The following PTPRD variants were observed in gnomAD, a reference collection of about 807,000 sequenced individuals.
PTPRD encodes the protein protein tyrosine phosphatase receptor type D.
PTPRD carries 34 observed loss-of-function variants against 214.5 expected under a neutral mutation model. The ratio of observed to expected loss-of-function variants is 0.16; its 90% CI spans 0.12 to 0.21. The LOEUF (loss-of-function observed/expected upper bound fraction) is 0.21, where lower values mean the gene tolerates loss of function less well. Among genes scored for constraint, PTPRD ranks in the 10% least tolerant of loss-of-function variants. The pLI is 1.00. For missense variants in PTPRD, 2,545 were observed against 2,398.7 expected, an observed-to-expected ratio of 1.06 and a Z score of -1.27; for synonymous variants, 1,128 against 845.7, an observed-to-expected ratio of 1.33 and a Z score of -5.79.
At chr9:9,563,331 G>A (rs1000644203) in intron 8 of PTPRD, among the ~76,000 whole-genome samples, 11 of 151,954 alleles carry the variant, frequency 7.2e-5, no homozygotes, top group African/African-American at 2.2e-4. Flanking sequence ...TTATAAGGTG[G>A]GATCAGAATG....
At position 8,493,977 on chromosome 9, in the gene PTPRD, C is replaced by T. The variant is rs375411162; in HGVS notation, c.2350-998G>A. Among the ~76,000 whole-genome samples, 32 of 148,386 alleles carry T rather than the reference C, an allele frequency of 2.2e-4. No individual in the cohort carries two copies. The East Asian group carries it at 4.8e-3, about 22-fold the overall frequency. ...ACATGCGCGCGTACACAGACACATG[C>T]GCACACACACAGACACACACAGACA... is the stretch of plus-strand genomic sequence containing the variant. On this transcript the variant is annotated intron_variant, in intron 26 of 45. Coordinates refer to ENST00000381196, the MANE Select transcript of PTPRD (RefSeq NM_002839.4).
At chr9:9,069,939 A>T (rs1171755763) in intron 10 of PTPRD, among the ~76,000 whole-genome samples, 3 of 152,186 alleles carry the variant, frequency 2.0e-5, no homozygotes, top group Non-Finnish European at 4.4e-5. Context: ...AAGAACCTAT[A>T]AAATTAAAAG....
chr9:10,373,854 A>G (rs1208405503), intron 2 of PTPRD, among the ~76,000 whole-genome samples: 1 of 152,070 alleles, frequency 6.6e-6, no homozygotes, highest in East Asian at 1.9e-4. Flanking sequence ...CCTGAAGCCA[A>G]AAACTACACT....
intron 5 of PTPRD, among the ~76,000 whole-genome samples, chr9:9,863,205 A>C (rs2063178224): frequency 6.6e-6 from 1 of 152,160 alleles, no homozygotes; most frequent in African/African-American, 2.4e-5. Flanking sequence ...GTCCACTGCA[A>C]ATTCTAAAGC....
chr9:9,431,517 C>G (rs1230038419), intron 8 of PTPRD, among the ~76,000 whole-genome samples: 2 of 152,060 alleles, frequency 1.3e-5, no homozygotes, highest in African/African-American at 4.8e-5. Context: ...GGATCTACAA[C>G]TAGAAATACC....
chr9:8,963,616 T>C (rs998737942), intron 11 of PTPRD, among the ~76,000 whole-genome samples: 12 of 151,844 alleles, frequency 7.9e-5, no homozygotes, highest in African/African-American at 2.7e-4. Flanking sequence ...GCCTACATGA[T>C]CACAATTAAC....
At chr9:8,692,722 C>T (rs7021243) in intron 12 of PTPRD, among the ~76,000 whole-genome samples, 38,867 of 151,980 alleles carry the variant, frequency 0.26, 5,488 homozygotes, top group African/African-American at 0.37. Context: ...CACTGACCTA[C>T]GCCTCCTTTT....
intron 10 of PTPRD, among the ~76,000 whole-genome samples, chr9:9,121,693 G>A (rs955841286): frequency 1.1e-4 from 16 of 151,938 alleles, no homozygotes; most frequent in Non-Finnish European, 1.8e-4. Context: ...GGGGGGCGAG[G>A]GATAAAAGAC....
intron 10 of PTPRD, among the ~76,000 whole-genome samples, chr9:9,119,605 C>T (rs927786846): frequency 2.6e-5 from 4 of 151,848 alleles, no homozygotes; most frequent in African/African-American, 9.7e-5. Flanking sequence ...TCTCGGCTCA[C>T]TGCAACCTCC....
chr9:8,401,501 C>A (rs2092385189), intron 36 of PTPRD, among the ~76,000 whole-genome samples: 1 of 152,120 alleles, frequency 6.6e-6, no homozygotes, highest in African/African-American at 2.4e-5. Context: ...TATAATTAAA[C>A]AATTGAAACC....
At chr9:10,009,129 T>C (rs900578012) in intron 4 of PTPRD, among the ~76,000 whole-genome samples, 2 of 152,006 alleles carry the variant, frequency 1.3e-5, no homozygotes, top group Non-Finnish European at 2.9e-5. Context: ...TGCAATTCTG[T>C]TGACAATAAG....
intron 14 of PTPRD, among the ~76,000 whole-genome samples, chr9:8,552,558 G>A (rs1471474154): frequency 6.6e-6 from 1 of 152,108 alleles, no homozygotes; most frequent in African/African-American, 2.4e-5. Flanking sequence ...AGCTTCAGGA[G>A]AAGATTCATG....
chr9:9,165,046 C>T (rs1334668678), intron 10 of PTPRD, among the ~76,000 whole-genome samples: 2 of 103,910 alleles, frequency 1.9e-5, no homozygotes, highest in African/African-American at 8.0e-5. Context: ...AGCAAGACTC[C>T]ATCTCAAAAA....
At position 8,787,744 on chromosome 9, in the gene PTPRD, A is replaced by T. The variant is rs372442422; in HGVS notation, c.-103-53798T>A. Among the ~76,000 whole-genome samples, 13 of 152,226 alleles carry T rather than the reference A, an allele frequency of 8.5e-5. No individual in the cohort carries two copies. The South Asian group carries it at 2.7e-3, about 32-fold the overall frequency. ...AGGAGAGAGGTCCCTATTAGGTCTC[A>T]TAACTACATCTTTGCAAGTATGTGT... On this transcript the variant is annotated intron_variant, in intron 11 of 45. Coordinates refer to ENST00000381196, the MANE Select transcript of PTPRD (RefSeq NM_002839.4).
At chr9:8,385,148 C>G (rs1057275573) in intron 37 of PTPRD, among the ~76,000 whole-genome samples, 3 of 152,206 alleles carry the variant, frequency 2.0e-5, no homozygotes, top group Non-Finnish European at 2.9e-5. Flanking sequence ...AATCCAGAAG[C>G]CTTTTGTCTC....
intron 5 of PTPRD, among the ~76,000 whole-genome samples, chr9:9,852,544 T>A (rs868771957): frequency 6.6e-6 from 1 of 152,120 alleles, no homozygotes; most frequent in African/African-American, 2.4e-5. Context: ...TAGAGTTATA[T>A]AGAAATATGC....
intron 7 of PTPRD, among the ~76,000 whole-genome samples, chr9:9,727,754 C>T (rs1348502404): frequency 6.6e-6 from 1 of 152,170 alleles, no homozygotes; most frequent in African/African-American, 2.4e-5. Context: ...TTAATGAATG[C>T]TATCCTGATG....
At chr9:8,331,466 T>TA in intron 44 of PTPRD, 116 bp downstream of exon 44, 1 of 1,181,982 alleles carries the variant, frequency 8.5e-7, no homozygotes, top group Non-Finnish European at 1.2e-6. Flanking sequence ...CTTTAAGTTT[T>TA]GTAATACATT....
intron 7 of PTPRD, among the ~76,000 whole-genome samples, chr9:9,726,972 A>T (rs1417527798): frequency 6.6e-6 from 1 of 152,166 alleles, no homozygotes; most frequent in Non-Finnish European, 1.5e-5. Flanking sequence ...TAATAAGCAG[A>T]GAGCTTTTGA....
Sources: allele counts gnomAD v4.1 joint callset (sites outside exome capture counted in the v4.1 genomes callset), GRCh38; gene constraint gnomAD v4.1.1; transcripts MANE v1.5; gene names NCBI Gene and HGNC (gene_info 2026-07-23, HGNC 2026-07-21).